Variants in MIPEP observed in about 807,000 individuals in gnomAD.
MIPEP encodes mitochondrial intermediate peptidase.
In MIPEP, 79 loss-of-function variants were observed where a neutral mutation model predicts 90.3. That is an observed-to-expected ratio of 0.87 (90% CI 0.73 to 1.05). MIPEP has a LOEUF of 1.05. MIPEP is among the 50% of genes least tolerant of loss of function. MIPEP has a pLI of 0.00. For missense variants in MIPEP, 940 were observed against 905.6 expected (o/e 1.04, Z -0.49); for synonymous variants, 334 against 315.8 (o/e 1.06, Z -0.61).
chr13:23,861,425 A>C (rs9510907), intron 9 of MIPEP, among the ~76,000 whole-genome samples: 143,035 of 152,226 alleles, frequency 0.94, 67,232 homozygotes, highest in East Asian at 1. Context: ...CAGATGACTA[A>C]CAGTAGTTAC....
chr13:23,860,846 TTGGGATCATAG>T (rs386768963), intron 9 of MIPEP, among the ~76,000 whole-genome samples: 1 of 1,450 alleles, frequency 6.9e-4, no homozygotes, highest in Non-Finnish European at 1.5e-3. Context: ...AGAATAATGA[TTGGGATCATAG>T]CCCAGGCTAT....
chr13:23,775,542 ATCC>A (rs764938306), intron 16 of MIPEP, among the ~76,000 whole-genome samples: 8 of 152,174 alleles, frequency 5.3e-5, no homozygotes, highest in African/African-American at 9.7e-5. Context: ...CCAGGTTTAG[ATCC>A]TCATCACCTC....
chr13:23,845,084 A>G lies in MIPEP; in HGVS notation c.1107-3596T>C, dbSNP rs1566015110. Among the ~76,000 whole-genome samples, 3 of 152,324 alleles carry G rather than the reference A, an allele frequency of 2.0e-5. No homozygotes were observed. In the South Asian group the frequency reaches 6.2e-4, roughly 32 times the overall value. On this transcript the variant is annotated intron_variant, in intron 10 of 18. Coordinates refer to ENST00000382172, the MANE Select transcript of MIPEP (RefSeq NM_005932.4). ...ATGCATGTAAACTTTATGTATATATAAACCTACTTTGGCACAAATAGAATC... is the reference window on the plus strand; with the variant it reads ...ATGCATGTAAACTTTATGTATATATGAACCTACTTTGGCACAAATAGAATC...
At chr13:23,830,417 A>G (rs1282497757) in intron 14 of MIPEP, among the ~76,000 whole-genome samples, 5 of 152,230 alleles carry the variant, frequency 3.3e-5, no homozygotes, top group African/African-American at 1.2e-4. Flanking sequence ...ATTGAGCACT[A>G]TGCTTTCCTC....
chr13:23,762,416 C>T (rs2138519347), intron 16 of MIPEP, among the ~76,000 whole-genome samples: 1 of 152,290 alleles, frequency 6.6e-6, no homozygotes, highest in South Asian at 2.1e-4. Flanking sequence ...GCTAGTGACT[C>T]TCTGGTTATG....
intron 18 of MIPEP, among the ~76,000 whole-genome samples, chr13:23,746,936 T>G (rs970498910): frequency 1.3e-5 from 2 of 152,210 alleles, no homozygotes; most frequent in Non-Finnish European, 2.9e-5. Context: ...AAGTAGATGA[T>G]AGCTTACTAT....
chr13:23,754,168 T>C (rs941039273), intron 18 of MIPEP, among the ~76,000 whole-genome samples: 6 of 152,172 alleles, frequency 3.9e-5, no homozygotes, highest in African/African-American at 1.4e-4. Context: ...CACCCATCAC[T>C]CCTGGTAATA....
intron 14 of MIPEP, among the ~76,000 whole-genome samples, chr13:23,821,500 C>G (rs548813147): frequency 6.6e-6 from 1 of 152,150 alleles, no homozygotes; most frequent in South Asian, 2.1e-4. Context: ...GCAAGAAAAG[C>G]AGGTGAGACC....
At chr13:23,731,529 T>C (rs1952204396) in intron 18 of MIPEP, among the ~76,000 whole-genome samples, 1 of 152,180 alleles carries the variant, frequency 6.6e-6, no homozygotes, top group Admixed American at 6.5e-5. Flanking sequence ...GTGTAAACAC[T>C]AAAATTATTA....
chr13:23,740,104 G>A (rs899154094), intron 18 of MIPEP, among the ~76,000 whole-genome samples: 1 of 152,108 alleles, frequency 6.6e-6, no homozygotes, highest in Non-Finnish European at 1.5e-5. Context: ...TTGTCACACT[G>A]GAGGAGTGAA....
chr13:23,751,909 G>A (rs1342389257), intron 18 of MIPEP, among the ~76,000 whole-genome samples: 1 of 147,006 alleles, frequency 6.8e-6, no homozygotes, highest in Non-Finnish European at 1.5e-5. Flanking sequence ...AATGAGAATA[G>A]ATAGGTTGCG....
intron 16 of MIPEP, among the ~76,000 whole-genome samples, chr13:23,792,299 A>G (rs1952905091): frequency 6.6e-6 from 1 of 152,156 alleles, no homozygotes; most frequent in Non-Finnish European, 1.5e-5. Context: ...CCTATTTGAC[A>G]TCTTTTCTGG....
At position 23,845,756 on chromosome 13, in the gene MIPEP, T is replaced by C. The variant is rs77275971; in HGVS notation, c.1107-4268A>G. 4.3e-3 allele frequency among the ~76,000 whole-genome samples: 651 copies of C among 152,354 alleles called. 2 individuals carry two copies. The highest frequency in any genetic ancestry group is 0.015 in the African/African-American group (624 of 41,584). ...TGCAGTGTATGAAAATACCTAGTGCTCTCACTCTCGCCAATGTAATTCTGT... is the reference window on the plus strand; with the variant it reads ...TGCAGTGTATGAAAATACCTAGTGCCCTCACTCTCGCCAATGTAATTCTGT... On this transcript the variant is annotated intron_variant, in intron 10 of 18. Transcript: ENST00000382172.
chr13:23,774,660 T>C (rs900748949), intron 16 of MIPEP, among the ~76,000 whole-genome samples: 16 of 152,290 alleles, frequency 1.1e-4, no homozygotes, highest in African/African-American at 3.6e-4. Context: ...CTCTTCCAGA[T>C]GCTATTGTAA....
At chr13:23,882,922 C>T (rs1871326593) in intron 2 of MIPEP, among the ~76,000 whole-genome samples, 1 of 151,514 alleles carries the variant, frequency 6.6e-6, no homozygotes, top group Non-Finnish European at 1.5e-5. Flanking sequence ...AAATTCAAAA[C>T]ACTAGCATAC....
intron 14 of MIPEP, among the ~76,000 whole-genome samples, chr13:23,818,888 T>C (rs1287821989): frequency 6.6e-6 from 1 of 152,216 alleles, no homozygotes; most frequent in Non-Finnish European, 1.5e-5. Flanking sequence ...TCTAGATCCC[T>C]TACCTGAAAT....
At chr13:23,863,601 C>T (rs764066453) in intron 8 of MIPEP, among the ~76,000 whole-genome samples, 3 of 151,964 alleles carry the variant, frequency 2.0e-5, no homozygotes, top group Non-Finnish European at 4.4e-5. Flanking sequence ...TTCCAAATTC[C>T]CCCCAAAAAA....
At chr13:23,776,379 C>T (rs1952716720) in intron 16 of MIPEP, among the ~76,000 whole-genome samples, 1 of 152,168 alleles carries the variant, frequency 6.6e-6, no homozygotes, top group Non-Finnish European at 1.5e-5. Context: ...TTCCTCACTC[C>T]CTCCTCCCTA....
At position 23,888,120 on chromosome 13, in the gene MIPEP, A is replaced by G. The variant is rs1355337826; in HGVS notation, c.189+1012T>C. 6.8e-6 allele frequency: 3 copies of G among 443,192 alleles called. No homozygotes were observed. The East Asian group carries it at 2.1e-4, about 31-fold the overall frequency. The allele number at this position is 443,192 out of a possible 1,614,324, so 27.5% of individuals were successfully genotyped here. ...TATCATGATACAAAAAGGGAAAAAT[A>G]AAAGCTAAAATTAGTTATATCTCAT... On this transcript the variant is annotated intron_variant, in intron 1 of 18. Transcript: ENST00000382172.
Sources: gnomAD v4.1 joint callset for allele counts (sites outside exome capture counted in the v4.1 genomes callset) on GRCh38, gnomAD v4.1.1 for gene constraint, MANE v1.5 for transcripts, NCBI Gene and HGNC (gene_info 2026-07-23, HGNC 2026-07-21) for gene names.